USH2A: variants seen among roughly 807,000 people sequenced by gnomAD.
The protein encoded by USH2A is Usher syndrome 2A (autosomal recessive, mild).
USH2A carries 443 observed loss-of-function variants against 538.9 expected under a neutral mutation model. That is an observed-to-expected ratio of 0.82 (90% CI 0.76 to 0.89). USH2A has a LOEUF of 0.89. Ranked by LOEUF, USH2A falls within the 40% of genes least tolerant of loss-of-function variation. The pLI is 0.00. For missense variants in USH2A, 6,633 were observed against 6,324.8 expected, an observed-to-expected ratio of 1.05 and a Z score of -1.65; for synonymous variants, 2,413 against 2,273.5, an observed-to-expected ratio of 1.06 and a Z score of -1.75.
At chr1:216,080,307 A>AG (rs1335772935) in intron 26 of USH2A, among the ~76,000 whole-genome samples, 36 of 152,270 alleles carry the variant, frequency 2.4e-4, no homozygotes, top group African/African-American at 8.4e-4. Flanking sequence ...CTCCTTAAAG[A>AG]AGCTAAGAGA....
intron 70 of USH2A, chr1:215,629,900 C>G (rs1477920882): frequency 1.7e-5 from 5 of 294,384 alleles, no homozygotes; most frequent in Admixed American, 1.4e-4. Context: ...CTCAGCCTCC[C>G]GAGTAGCTGG....
rs770541882 is a variant in USH2A at position 215,743,384 on chromosome 1, A to ATG, written c.11390-50_11390-49insCA. On this transcript the variant is annotated intron_variant, in intron 58 of 71. Coordinates refer to ENST00000307340, the MANE Select transcript of USH2A (RefSeq NM_206933.4). ...GAACATTAAAAACATATATATATAT[A>ATG]TATGTGTGTGTGTGTGTGTGTGTGT... 8 of 449,562 alleles carry ATG rather than the reference A, an allele frequency of 1.8e-5. No homozygotes were observed. The African/African-American group carries it at 2.8e-4, about 16-fold the overall frequency. The allele number at this position is 449,562 out of a possible 1,614,324, so 27.8% of individuals were successfully genotyped here.
At chr1:216,197,672 T>C (rs577404852) in intron 18 of USH2A, among the ~76,000 whole-genome samples, 15 of 152,120 alleles carry the variant, frequency 9.9e-5, no homozygotes, top group Non-Finnish European at 1.9e-4. Context: ...CAAAAGTGTA[T>C]TTTTTTTCTT....
At chr1:215,699,642 T>C (rs1048372311) in intron 61 of USH2A, among the ~76,000 whole-genome samples, 3 of 152,208 alleles carry the variant, frequency 2.0e-5, no homozygotes, top group African/African-American at 7.2e-5. Flanking sequence ...ATAGGAATGC[T>C]TGTGATTTTT....
At chr1:215,641,918 A>T (rs1018917660) in intron 67 of USH2A, among the ~76,000 whole-genome samples, 7 of 152,230 alleles carry the variant, frequency 4.6e-5, no homozygotes, top group African/African-American at 1.7e-4. Flanking sequence ...GCCCTCTTTA[A>T]ATCTCAATGC....
intron 67 of USH2A, among the ~76,000 whole-genome samples, chr1:215,642,795 T>C (rs944845876): frequency 6.6e-6 from 1 of 152,028 alleles, no homozygotes; most frequent in African/African-American, 2.4e-5. Flanking sequence ...ATTCACACCA[T>C]GGAAACTGAT....
intron 3 of USH2A, among the ~76,000 whole-genome samples, chr1:216,366,240 G>A (rs898450447): frequency 2.0e-5 from 3 of 152,108 alleles, no homozygotes; most frequent in Non-Finnish European, 4.4e-5. Flanking sequence ...CAAAGGAAAG[G>A]TTGGATGTTA....
In USH2A at chr1:216,200,094, A is replaced by T. The variant is rs151122789; in HGVS notation, c.3344T>A (p.Leu1115Gln). The T allele has an allele frequency of 6.2e-7, 1 of 1,613,350 alleles. No homozygotes were observed. The highest frequency in any genetic ancestry group is 2.2e-5 in the East Asian group (1 of 44,802). The change falls in exon 17 of 72, where the codon CTG becomes CAG. Residue 1115 changes from leucine to glutamine, a missense_variant. Transcript: ENST00000307340. ...ATAGGAATATTTGGTATATGGTAACAGGTCTGTGTCTAAGAAGTATTGAAT... is the reference window on the plus strand; with the variant it reads ...ATAGGAATATTTGGTATATGGTAACTGGTCTGTGTCTAAGAAGTATTGAAT... ...YSIQYFLDTD[L>Q]LPYTKYSYYI...
At chr1:216,046,368 T>TTC in intron 32 of USH2A, 63 bp downstream of exon 32, 1 of 1,599,498 alleles carries the variant, frequency 6.3e-7, no homozygotes, top group South Asian at 1.1e-5. Flanking sequence ...GAGAGCCAAC[T>TTC]ATATGTATGT....
At chr1:216,344,603 C>T (rs987599887) in intron 4 of USH2A, among the ~76,000 whole-genome samples, 1 of 151,906 alleles carries the variant, frequency 6.6e-6, no homozygotes, top group African/African-American at 2.4e-5. Context: ...ACTCCCCTGA[C>T]CCAAAGGAAA....
Position 216,422,150 on chromosome 1 carries a change from G to C in USH2A, c.187C>G (p.Arg63Gly). The C allele has an allele frequency of 6.2e-7, 1 of 1,613,714 alleles. No homozygotes were observed. Among genetic ancestry groups the C allele is most frequent in the South Asian group, 1.1e-5 (1 of 91,052 alleles). ...GCAGAGCTGTGACAAAAAGTGCTTC[G>C]GTCTGGGAGTCCACATACTGCTTGG... is the stretch of plus-strand genomic sequence containing the variant. ...PTQAVCGLPDRSTFCHSSAAA... is the reference protein window; with the variant it reads ...PTQAVCGLPDGSTFCHSSAAA... Residue 63 changes from arginine (R) to glycine (G), a missense_variant, in exon 2 of 72, where the codon CGA (arginine) becomes GGA (glycine). Coordinates refer to ENST00000307340, the MANE Select transcript of USH2A (RefSeq NM_206933.4).
chr1:215,934,539 TAAAC>T, intron 38 of USH2A, 73 bp downstream of exon 38: 1 of 1,446,616 alleles, frequency 6.9e-7, no homozygotes, highest in Non-Finnish European at 9.6e-7. Context: ...CCTCTAAAAA[TAAAC>T]AAGGTATTCA....
intron 11 of USH2A, among the ~76,000 whole-genome samples, chr1:216,285,810 G>C (rs1194883163): frequency 6.6e-6 from 1 of 152,240 alleles, no homozygotes; most frequent in African/African-American, 2.4e-5. Context: ...AGTCAAAGGA[G>C]ATCATTTGGT....
chr1:215,924,326 G>A (rs976264828), intron 38 of USH2A, among the ~76,000 whole-genome samples: 3 of 151,908 alleles, frequency 2.0e-5, no homozygotes, highest in Non-Finnish European at 4.4e-5. Flanking sequence ...TATAGAGATA[G>A]AAAAAGGGAT....
At chr1:215,954,173 A>T (rs1274328366) in intron 37 of USH2A, among the ~76,000 whole-genome samples, 3 of 152,178 alleles carry the variant, frequency 2.0e-5, no homozygotes, top group Non-Finnish European at 4.4e-5. Flanking sequence ...TCAGGGATCT[A>T]GAACTAGAAA....
At chr1:216,036,069 C>A (rs563774468) in intron 32 of USH2A, among the ~76,000 whole-genome samples, 2 of 151,910 alleles carry the variant, frequency 1.3e-5, no homozygotes, top group African/African-American at 4.8e-5. Context: ...ATATACATAA[C>A]GTTTTGATGG....
chr1:216,257,299 G>T (rs544250513), intron 11 of USH2A, among the ~76,000 whole-genome samples: 2 of 151,718 alleles, frequency 1.3e-5, no homozygotes, highest in South Asian at 4.2e-4. Flanking sequence ...ACTAGATATA[G>T]AATCATAAGT....
At chr1:215,756,566 C>T (rs893409525) in intron 58 of USH2A, among the ~76,000 whole-genome samples, 2 of 152,088 alleles carry the variant, frequency 1.3e-5, no homozygotes, top group Admixed American at 6.6e-5. Context: ...TTGGCTCTAT[C>T]CAGCTTCATT....
At chr1:216,069,554 A>G (rs1048714636) in intron 30 of USH2A, among the ~76,000 whole-genome samples, 1 of 152,106 alleles carries the variant, frequency 6.6e-6, no homozygotes, top group Non-Finnish European at 1.5e-5. Flanking sequence ...CATGAATTTG[A>G]GTGTGAGATG....
Sources: gnomAD v4.1 joint callset for allele counts (sites outside exome capture counted in the v4.1 genomes callset) on GRCh38, gnomAD v4.1.1 for gene constraint, MANE v1.5 for transcripts, NCBI Gene and HGNC (gene_info 2026-07-23, HGNC 2026-07-21) for gene names.